Variants in LEF1 observed in about 807,000 individuals in gnomAD.
LEF1 encodes lymphoid enhancer binding factor 1.
In LEF1, 14 loss-of-function variants were observed where a neutral mutation model predicts 51.2. The observed-to-expected ratio is 0.27, with a 90% CI of 0.18 to 0.43. The LOEUF (loss-of-function observed/expected upper bound fraction) is 0.43, where lower values mean the gene tolerates loss of function less well. Ranked by LOEUF, LEF1 falls within the 20% of genes least tolerant of loss-of-function variation. The pLI is 1.00. For missense variants in LEF1, 386 were observed against 512.0 expected (o/e 0.75, Z 2.37); for synonymous variants, 185 against 183.2 (o/e 1.01, Z -0.08).
intron 6 of LEF1, among the ~76,000 whole-genome samples, chr4:108,080,665 A>G (rs1359711577): frequency 2.0e-5 from 3 of 152,220 alleles, no homozygotes; most frequent in African/African-American, 7.2e-5. Flanking sequence ...TAAAAAGTAT[A>G]AAAATATGTT....
intron 11 of LEF1, among the ~76,000 whole-genome samples, chr4:108,060,037 C>A (rs1407182324): frequency 6.6e-6 from 1 of 152,160 alleles, no homozygotes; most frequent in Non-Finnish European, 1.5e-5. Flanking sequence ...GAGGTCAGCA[C>A]TAGTATGACT....
intron 8 of LEF1, chr4:108,075,415 CTA>C (rs1437092295): frequency 6.6e-6 from 1 of 152,182 alleles, no homozygotes; most frequent in African/African-American, 2.4e-5. Context: ...ACATGATCCT[CTA>C]TGTTTCACAA....
At chr4:108,154,324 G>A (rs536334783) in intron 3 of LEF1, among the ~76,000 whole-genome samples, 143 of 151,292 alleles carry the variant, frequency 9.5e-4, no homozygotes, top group African/African-American at 3.2e-3. Flanking sequence ...TGTCGCTGAC[G>A]ATGGATCCTT....
intron 3 of LEF1, among the ~76,000 whole-genome samples, chr4:108,115,174 T>C (rs1384905240): frequency 6.6e-6 from 1 of 152,170 alleles, no homozygotes; most frequent in Non-Finnish European, 1.5e-5. Flanking sequence ...CTACTGACAA[T>C]GCAAGTATCC....
chr4:108,080,336 T>C (rs1739201071), intron 6 of LEF1, among the ~76,000 whole-genome samples: 2 of 152,214 alleles, frequency 1.3e-5, no homozygotes, highest in Admixed American at 1.3e-4. Flanking sequence ...GACAGTATTT[T>C]CAATAAGCTC....
chr4:108,134,435 G>A (rs987643993), intron 3 of LEF1, among the ~76,000 whole-genome samples: 1 of 152,166 alleles, frequency 6.6e-6, no homozygotes, highest in African/African-American at 2.4e-5. Context: ...CTCATCCAGA[G>A]CAGCTTTCTT....
At chr4:108,104,127 A>T (rs1740993756) in intron 3 of LEF1, among the ~76,000 whole-genome samples, 1 of 152,224 alleles carries the variant, frequency 6.6e-6, no homozygotes, top group African/African-American at 2.4e-5. Context: ...ACATTCTGTT[A>T]AGTGAATAAA....
At chr4:108,092,347 A>G (rs1740077899) in intron 3 of LEF1, among the ~76,000 whole-genome samples, 1 of 152,214 alleles carries the variant, frequency 6.6e-6, no homozygotes, top group African/African-American at 2.4e-5. Context: ...TTTCAATAGC[A>G]TGTGTGAGCA....
At chr4:108,143,589 C>T (rs1477463122) in intron 3 of LEF1, among the ~76,000 whole-genome samples, 1 of 152,184 alleles carries the variant, frequency 6.6e-6, no homozygotes, top group Non-Finnish European at 1.5e-5. Flanking sequence ...GCAAAACAGT[C>T]ACTGGAAGCA....
chr4:108,123,432 GTTT>G (rs34015287), intron 3 of LEF1, among the ~76,000 whole-genome samples: 2,546 of 72,386 alleles, frequency 0.035, 44 homozygotes, highest in Middle Eastern at 0.059. Context: ...GCTAGGGTTG[GTTT>G]TTTTTTTTTT....
chr4:108,140,627 A>G lies in LEF1; in HGVS notation c.414+22941T>C, dbSNP rs1743585805. Among the ~76,000 whole-genome samples, 2 of 152,172 alleles carry G rather than the reference A, an allele frequency of 1.3e-5. 1 individual carries two copies. Among genetic ancestry groups the G allele is most frequent in the South Asian group, 4.1e-4 (2 of 4,830 alleles). ...TTTATAATCAGCCATCTAGGTTTTC[A>G]TCTTATTTTGACTTTCCCCTCACCC... On this transcript the variant is annotated intron_variant, in intron 3 of 11. Coordinates refer to ENST00000265165, the MANE Select transcript of LEF1 (RefSeq NM_016269.5).
intron 3 of LEF1, among the ~76,000 whole-genome samples, chr4:108,129,930 C>T (rs925115761): frequency 6.6e-6 from 1 of 152,076 alleles, no homozygotes; most frequent in Non-Finnish European, 1.5e-5. Context: ...GTACCAATAA[C>T]AAATGGTGTC....
At chr4:108,147,509 T>G (rs1477761797) in intron 3 of LEF1, among the ~76,000 whole-genome samples, 1 of 152,194 alleles carries the variant, frequency 6.6e-6, no homozygotes, top group East Asian at 1.9e-4. Context: ...TTTGAAAAAT[T>G]TAATCTCCAT....
intron 2 of LEF1, among the ~76,000 whole-genome samples, chr4:108,164,013 A>C (rs565305668): frequency 5.3e-5 from 8 of 152,314 alleles, no homozygotes; most frequent in African/African-American, 1.9e-4. Flanking sequence ...AACTGGACTA[A>C]AATATACAGA....
intron 3 of LEF1, among the ~76,000 whole-genome samples, chr4:108,091,373 C>A (rs1423979739): frequency 1.3e-5 from 2 of 151,620 alleles, no homozygotes; most frequent in East Asian, 3.9e-4. Context: ...AATTCTTATA[C>A]CCTATCTTAT....
At chr4:108,098,979 T>C (rs1168369933) in intron 3 of LEF1, among the ~76,000 whole-genome samples, 1 of 152,192 alleles carries the variant, frequency 6.6e-6, no homozygotes, top group Non-Finnish European at 1.5e-5. Context: ...CTGTCCAATA[T>C]GGTAGCCATT....
At chr4:108,100,134 A>G (rs775843193) in intron 3 of LEF1, among the ~76,000 whole-genome samples, 21 of 152,322 alleles carry the variant, frequency 1.4e-4, no homozygotes, top group Non-Finnish European at 2.4e-4. Flanking sequence ...CTTTTGTTAT[A>G]GACTTAAAAA....
At chr4:108,081,056 G>A (rs997778509) in intron 6 of LEF1, among the ~76,000 whole-genome samples, 4 of 152,030 alleles carry the variant, frequency 2.6e-5, no homozygotes, top group African/African-American at 9.7e-5. Flanking sequence ...ACACTAGGAC[G>A]CACACCCTGT....
chr4:108,105,929 A>G (rs901854932), intron 3 of LEF1, among the ~76,000 whole-genome samples: 7 of 152,234 alleles, frequency 4.6e-5, no homozygotes, highest in Non-Finnish European at 1.0e-4. Context: ...TAAGCGTTCA[A>G]TAAATTCTAA....
Sources: allele counts gnomAD v4.1 joint callset (sites outside exome capture counted in the v4.1 genomes callset), GRCh38; gene constraint gnomAD v4.1.1; transcripts MANE v1.5; gene names NCBI Gene and HGNC (gene_info 2026-07-23, HGNC 2026-07-21).